Variants in PCCA observed in about 807,000 individuals in gnomAD.
PCCA encodes propionyl-CoA carboxylase alpha chain, mitochondrial.
A neutral mutation model predicts 101.3 loss-of-function variants in PCCA; 74 were observed. The ratio of observed to expected loss-of-function variants is 0.73; its 90% CI spans 0.61 to 0.89. PCCA has a LOEUF of 0.89. Ranked by LOEUF, PCCA falls within the 40% of genes least tolerant of loss-of-function variation. The probability of loss-of-function intolerance (pLI) is 0.00; values close to 1 mark genes in which losing one functional copy is unlikely to be tolerated. For missense variants in PCCA, 891 were observed against 907.0 expected (o/e 0.98, Z 0.23); for synonymous variants, 294 against 313.6 (o/e 0.94, Z 0.66).
chr13:100,224,308 T>C (rs2482462), intron 7 of PCCA, among the ~76,000 whole-genome samples: 22,800 of 152,280 alleles, frequency 0.15, 1,825 homozygotes, highest in Middle Eastern at 0.22. Flanking sequence ...AAGTCCCTCA[T>C]TGCCCGGGGC....
intron 1 of PCCA, among the ~76,000 whole-genome samples, chr13:100,090,977 C>T (rs1018526369): frequency 3.9e-4 from 28 of 71,800 alleles, no homozygotes; most frequent in Admixed American, 1.0e-3. Context: ...GATGAAGTGA[C>T]CTTTTCTAAC....
At chr13:100,412,604 A>T (rs1429772770) in intron 19 of PCCA, among the ~76,000 whole-genome samples, 1 of 152,200 alleles carries the variant, frequency 6.6e-6, no homozygotes, top group Non-Finnish European at 1.5e-5. Context: ...CTTACAGCTG[A>T]TAGTGCCCTG....
At chr13:100,197,354 G>A (rs776716317) in intron 6 of PCCA, among the ~76,000 whole-genome samples, 6 of 151,976 alleles carry the variant, frequency 3.9e-5, no homozygotes, top group Non-Finnish European at 5.9e-5. Context: ...ACCATGCCTG[G>A]TTAATTTTTA....
intron 19 of PCCA, among the ~76,000 whole-genome samples, chr13:100,395,781 G>A (rs2077016515): frequency 2.0e-5 from 3 of 152,328 alleles, no homozygotes; most frequent in South Asian, 4.1e-4. Flanking sequence ...TCAGAAGGCA[G>A]AACATTTGGT....
chr13:100,152,801 T>C (rs1277169531), intron 4 of PCCA, among the ~76,000 whole-genome samples: 1 of 152,220 alleles, frequency 6.6e-6, no homozygotes, highest in Non-Finnish European at 1.5e-5. Context: ...ATGTCTATTA[T>C]GCTAGTTAAA....
rs190329251 is a variant in PCCA at position 100,386,224 on chromosome 13, G to A, written c.1746+17650G>A. On this transcript the variant is annotated intron_variant, in intron 19 of 23. Coordinates refer to ENST00000376285, the MANE Select transcript of PCCA (RefSeq NM_000282.4). ...AATACTATGTTTCTCCCTGCTATTGGTTTAAGGAAGAATGTCTAAAAGTAA... is the reference window on the plus strand; with the variant it reads ...AATACTATGTTTCTCCCTGCTATTGATTTAAGGAAGAATGTCTAAAAGTAA... Among the ~76,000 whole-genome samples the A allele has an allele frequency of 1.9e-3, 294 of 152,304 alleles. 1 individual carries two copies. Among genetic ancestry groups the A allele is most frequent in the Middle Eastern group, 3.4e-3 (1 of 294 alleles).
chr13:100,264,006 TATATATACGGTATCTGTATATC>T (rs1276323135), intron 10 of PCCA, among the ~76,000 whole-genome samples: 20 of 149,244 alleles, frequency 1.3e-4, no homozygotes, highest in African/African-American at 4.4e-4. Flanking sequence ...CTGTATATCG[TATATATACGGTATCTGTATATC>T]GTATATATAC....
chr13:100,156,097 C>T (rs963605816), intron 5 of PCCA, among the ~76,000 whole-genome samples: 1 of 151,994 alleles, frequency 6.6e-6, no homozygotes, highest in African/African-American at 2.4e-5. Context: ...GATGGAGTTT[C>T]GCTCTTGTTG....
intron 7 of PCCA, among the ~76,000 whole-genome samples, chr13:100,228,974 G>A (rs980276986): frequency 6.7e-6 from 1 of 150,090 alleles, no homozygotes; most frequent in Non-Finnish European, 1.5e-5. Flanking sequence ...ATGAAATAAA[G>A]TTTGATATCT....
intron 6 of PCCA, among the ~76,000 whole-genome samples, chr13:100,162,287 A>G (rs1440224456): frequency 6.6e-6 from 1 of 152,212 alleles, no homozygotes. Flanking sequence ...ACCTGCAGGT[A>G]AGTTATTTAA....
At chr13:100,285,360 T>TATACGTCACAGAGC (rs2064524044) in intron 12 of PCCA, among the ~76,000 whole-genome samples, 1 of 152,176 alleles carries the variant, frequency 6.6e-6, no homozygotes, top group Admixed American at 6.5e-5. Flanking sequence ...AGCTTCTCTT[T>TATACGTCACAGAGC]ATACGTCACA....
intron 22 of PCCA, among the ~76,000 whole-genome samples, chr13:100,524,966 G>A (rs1379160985): frequency 7.1e-6 from 1 of 140,098 alleles, no homozygotes; most frequent in Non-Finnish European, 1.6e-5. Context: ...GATAGACCGA[G>A]ATTCTGTCTC....
intron 22 of PCCA, among the ~76,000 whole-genome samples, chr13:100,516,400 A>G (rs1176231689): frequency 6.6e-6 from 1 of 152,238 alleles, no homozygotes; most frequent in Non-Finnish European, 1.5e-5. Flanking sequence ...CAGATAAAAT[A>G]TCTGCTTAAC....
intron 19 of PCCA, among the ~76,000 whole-genome samples, chr13:100,386,571 C>T (rs12430705): frequency 3.3e-4 from 50 of 152,280 alleles, no homozygotes; most frequent in Middle Eastern, 3.4e-3. Flanking sequence ...TTAGTACAGA[C>T]GTGGTTTCAC....
chr13:100,215,936 G>T (rs539631296), intron 7 of PCCA, among the ~76,000 whole-genome samples: 1 of 152,138 alleles, frequency 6.6e-6, no homozygotes, highest in African/African-American at 2.4e-5. Context: ...ACTGTGCGCA[G>T]CCCTGCCGTA....
At chr13:100,169,438 C>CA (rs10606930) in intron 6 of PCCA, among the ~76,000 whole-genome samples, 97 of 133,906 alleles carry the variant, frequency 7.2e-4, no homozygotes, top group South Asian at 1.4e-3. Context: ...GAGACTGTCT[C>CA]AAAAAAAAAA....
rs1293442875 is a variant in PCCA, at chr13:100,121,170, TTTTTTTTA to T, written c.300+9110_300+9117del. Among the ~76,000 whole-genome samples, 224 of 114,334 alleles carry T rather than the reference TTTTTTTTA, an allele frequency of 2.0e-3. 2 individuals are homozygous for T. Among genetic ancestry groups the T allele is most frequent in the African/African-American group, 8.1e-3 (212 of 26,310 alleles). 75.0% of individuals were successfully genotyped at this position (114,334 alleles called of 152,430 possible). A position where few individuals can be genotyped will look rare whatever the true frequency, so the allele number is the denominator to read the frequency against. On this transcript the variant is annotated intron_variant, in intron 4 of 23. Transcript: ENST00000376285. ...TTTCTTAGGTTTTTTTTTTTTTTTT[TTTTTTTTA>T]AAGATGGAGTTTCTGTCACCCAGGC...
chr13:100,466,621 G>A (rs1266835894), intron 21 of PCCA, among the ~76,000 whole-genome samples: 4 of 152,134 alleles, frequency 2.6e-5, no homozygotes, highest in Non-Finnish European at 5.9e-5. Flanking sequence ...TTAGTGGATA[G>A]GTTCTAACAA....
chr13:100,274,101 A>G (rs1304687572), intron 12 of PCCA, among the ~76,000 whole-genome samples: 2 of 152,138 alleles, frequency 1.3e-5, no homozygotes, highest in African/African-American at 4.8e-5. Context: ...CTCCTTCTCA[A>G]TGATTCTGAT....
Sources: gnomAD v4.1 joint callset for allele counts (sites outside exome capture counted in the v4.1 genomes callset) on GRCh38, gnomAD v4.1.1 for gene constraint, MANE v1.5 for transcripts, NCBI Gene and HGNC (gene_info 2026-07-23, HGNC 2026-07-21) for gene names.